The following INSL6 variants were observed in gnomAD, a reference collection of about 807,000 sequenced individuals.
INSL6 encodes insulin-like peptide INSL6.
In INSL6, 16 loss-of-function variants were observed where a neutral mutation model predicts 9.4. The observed-to-expected ratio is 1.70, with a 90% CI of 1.15 to 2.59. The LOEUF (loss-of-function observed/expected upper bound fraction) is 2.59, where lower values mean the gene tolerates loss of function less well. Among genes scored for constraint, INSL6 ranks in the 30% most tolerant of loss-of-function variants. The pLI is 0.00. For missense variants in INSL6, 391 were observed against 257.3 expected, an observed-to-expected ratio of 1.52 and a Z score of -3.56; for synonymous variants, 154 against 96.9, an observed-to-expected ratio of 1.59 and a Z score of -3.46.
At chr9:5,042,736 G>C in the INSL6 span, among the ~76,000 whole-genome samples, 1 of 152,198 alleles carries the variant, frequency 6.6e-6, no homozygotes, top group Non-Finnish European at 1.5e-5. Flanking sequence ...ACCTGGGAGG[G>C]ACACAGGCAT....
At chr9:5,015,464 T>C in the INSL6 span, among the ~76,000 whole-genome samples, 1 of 152,206 alleles carries the variant, frequency 6.6e-6, no homozygotes, top group African/African-American at 2.4e-5. Flanking sequence ...GTTAAACGGC[T>C]GGCACCTTAG....
chr9:5,021,899 C>A, the INSL6 span: 1 of 947,220 alleles, frequency 1.1e-6, no homozygotes, highest in Non-Finnish European at 1.6e-6. Context: ...CCGCAAAGTG[C>A]TAGGATTACA....
the INSL6 span, chr9:5,080,612 T>C: frequency 1.2e-6 from 2 of 1,609,184 alleles, no homozygotes; most frequent in Admixed American, 1.7e-5. Flanking sequence ...AATAATTGTA[T>C]GGATTATGAA....
At chr9:5,094,863 T>C in the INSL6 span, 2 of 152,158 alleles carry the variant, frequency 1.3e-5, no homozygotes, top group Non-Finnish European at 2.9e-5. Flanking sequence ...AAGACCCTCC[T>C]TTTAACCACC....
intron 1 of INSL6, among the ~76,000 whole-genome samples, chr9:5,168,727 G>C (rs989740762): frequency 6.6e-6 from 1 of 152,090 alleles, no homozygotes; most frequent in African/African-American, 2.4e-5. Flanking sequence ...AGGAAATCCA[G>C]AGAACCCCAA....
At chr9:5,094,114 C>A in the INSL6 span, 1 of 152,266 alleles carries the variant, frequency 6.6e-6, no homozygotes, top group Admixed American at 6.5e-5. Context: ...CTATAATTAA[C>A]CTTTTCCTAC....
chr9:5,125,750 A>G (rs201450064), intron 3 of INSL6, among the ~76,000 whole-genome samples: 4 of 68,852 alleles, frequency 5.8e-5, no homozygotes, highest in Admixed American at 1.4e-4. Context: ...GGTTGACTAT[A>G]TATTTGTTGG....
chr9:5,145,136 G>C (rs988984182), intron 2 of INSL6, among the ~76,000 whole-genome samples: 8 of 152,188 alleles, frequency 5.3e-5, no homozygotes, highest in Non-Finnish European at 1.0e-4. Context: ...CCTCCTTCAA[G>C]AGCTTTTGTA....
chr9:5,023,678 C>G, the INSL6 span, among the ~76,000 whole-genome samples: 15 of 152,286 alleles, frequency 9.8e-5, 1 homozygote, highest in South Asian at 2.9e-3. Context: ...CTTGTTTCGT[C>G]TCCTTCCTTG....
chr9:5,067,276 T>C, the INSL6 span, among the ~76,000 whole-genome samples: 5 of 152,154 alleles, frequency 3.3e-5, no homozygotes, highest in African/African-American at 1.2e-4. Flanking sequence ...TTTTTAAGAA[T>C]AGTGGTCTAC....
the INSL6 span, among the ~76,000 whole-genome samples, chr9:5,095,903 C>G: frequency 6.6e-6 from 1 of 152,170 alleles, no homozygotes; most frequent in African/African-American, 2.4e-5. Flanking sequence ...AGCACTACAA[C>G]CCTGTCACTG....
chr9:5,065,855 G>C, the INSL6 span, among the ~76,000 whole-genome samples: 146 of 152,206 alleles, frequency 9.6e-4, no homozygotes, highest in African/African-American at 3.4e-3. Flanking sequence ...CTAAATATTT[G>C]AGAAAATACA....
chr9:5,041,089 C>T, the INSL6 span: 1 of 711,168 alleles, frequency 1.4e-6, no homozygotes, highest in South Asian at 1.5e-5. Context: ...CTACTACAGC[C>T]TGGAGGACCT....
chr9:5,084,130 G>C, the INSL6 span, among the ~76,000 whole-genome samples: 12 of 152,080 alleles, frequency 7.9e-5, no homozygotes, highest in African/African-American at 2.9e-4. Flanking sequence ...AAATTGAAGA[G>C]ACTCTAAGGA....
the INSL6 span, among the ~76,000 whole-genome samples, chr9:5,050,137 A>G: frequency 2.0e-5 from 3 of 152,226 alleles, no homozygotes; most frequent in Non-Finnish European, 2.9e-5. Context: ...TTTATGTAGA[A>G]GATATAATTT....
At chr9:5,100,456 T>A in the INSL6 span, 2 of 152,236 alleles carry the variant, frequency 1.3e-5, no homozygotes, top group African/African-American at 4.8e-5. Context: ...CATACAACAG[T>A]TGTCCAAAAA....
At chr9:5,120,062 T>C (rs1228782063), downstream of INSL6, among the ~76,000 whole-genome samples, 1 of 152,198 alleles carries the variant, frequency 6.6e-6, no homozygotes, top group Admixed American at 6.5e-5. Flanking sequence ...TTTCTCACAC[T>C]TCTAGAGGTT....
At chr9:5,169,433 C>A (rs540575947) in intron 1 of INSL6, among the ~76,000 whole-genome samples, 1 of 152,168 alleles carries the variant, frequency 6.6e-6, no homozygotes, top group African/African-American at 2.4e-5. Flanking sequence ...CCAAAGTACA[C>A]AGACCAGTGA....
chr9:5,124,059 T>G (rs1054004819), exon 4 of INSL6, among the ~76,000 whole-genome samples: 7 of 151,784 alleles, frequency 4.6e-5, no homozygotes, highest in African/African-American at 1.7e-4. Context: ...ACACGATTAT[T>G]AGGGGGTTTT....
Sources: allele counts gnomAD v4.1 joint callset (sites outside exome capture counted in the v4.1 genomes callset), GRCh38; gene constraint gnomAD v4.1.1; transcripts MANE v1.5; gene names NCBI Gene and HGNC (gene_info 2026-07-23, HGNC 2026-07-21).